JADE1: variants seen among roughly 807,000 people sequenced by gnomAD.
JADE1 encodes the protein jade family PHD finger 1, also known as protein Jade-1.
A neutral mutation model predicts 81.8 loss-of-function variants in JADE1; 14 were observed. The observed-to-expected ratio is 0.17, with a 90% CI of 0.11 to 0.27. JADE1 has a LOEUF of 0.27. Among genes scored for constraint, JADE1 ranks in the 10% least tolerant of loss-of-function variants. The pLI is 1.00. For synonymous variants in JADE1, 353 were observed against 391.9 expected, an observed-to-expected ratio of 0.90 and a Z score of 1.17; for missense variants, 690 against 1,047.9, an observed-to-expected ratio of 0.66 and a Z score of 4.71.
intron 6 of JADE1, among the ~76,000 whole-genome samples, chr4:128,852,685 A>G (rs1281252075): frequency 6.6e-6 from 1 of 152,222 alleles, no homozygotes; most frequent in Non-Finnish European, 1.5e-5. Flanking sequence ...ACAAATTACT[A>G]CAGACTGTGT....
At chr4:128,837,101 T>C (rs979174851) in intron 2 of JADE1, among the ~76,000 whole-genome samples, 1 of 152,168 alleles carries the variant, frequency 6.6e-6, no homozygotes. Context: ...TTTCAGAGAT[T>C]TGTTGACTTT....
Position 128,872,876 on chromosome 4 carries a change from G to A in JADE1, c.*614G>A. 2.2e-6 allele frequency: 1 copy of A among 456,126 alleles called. No homozygotes were observed. The highest frequency in any genetic ancestry group is 4.4e-6 in the Non-Finnish European group (1 of 226,510). 28.3% of individuals were successfully genotyped at this position (456,126 alleles called of 1,614,324 possible). A position where few individuals can be genotyped will look rare whatever the true frequency, so the allele number is the denominator to read the frequency against. On this transcript the variant is annotated 3_prime_UTR_variant, in exon 11 of 11. Transcript: ENST00000226319. ...CATTATTGAAGAAGCTGAGGGGACA[G>A]GGTAGAGCTGCTGCAATATGGAGAT... is the stretch of plus-strand genomic sequence containing the variant.
Position 128,873,745 on chromosome 4 carries a change from A to AGATT in JADE1, c.*1484_*1487dup, listed in dbSNP as rs1203692584. The AGATT allele has an allele frequency of 2.0e-5, 3 of 152,436 alleles. No individual in the cohort carries two copies. The highest frequency in any genetic ancestry group is 4.4e-5 in the Non-Finnish European group (3 of 68,038). 9.4% of individuals were successfully genotyped at this position (152,436 alleles called of 1,614,324 possible). On this transcript the variant is annotated 3_prime_UTR_variant, in exon 11 of 11. Transcript: ENST00000226319. ...CCTTAGTTTGTTAATACCAGTATTC[A>AGATT]GATTCCTGATTCATTTATACATCTG...
At position 128,831,829 on chromosome 4, in the gene JADE1, T is replaced by C. The variant is rs757618077; in HGVS notation, c.52+19T>C. 6.8e-6 allele frequency: 11 copies of C among 1,609,248 alleles called. No homozygotes were observed. The highest frequency in any genetic ancestry group is 1.7e-4 in the Middle Eastern group (1 of 6,052). The stretch of plus-strand genomic sequence containing the variant: ...AATGGCAGTAAGTCCTGCTTTGTTG[T>C]TCTTGGAGCCTACCAGGGTTTGGGT... On this transcript the variant is annotated intron_variant, in intron 2 of 10. Coordinates refer to ENST00000226319, the MANE Select transcript of JADE1 (RefSeq NM_199320.4).
Position 128,871,856 on chromosome 4 carries a change from A to G in JADE1, c.2123A>G (p.Gln708Arg), listed in dbSNP as rs771229279. 1 of 1,614,080 alleles carries G rather than the reference A, an allele frequency of 6.2e-7. No homozygotes were observed. Among genetic ancestry groups the G allele is most frequent in the South Asian group, 1.1e-5 (1 of 91,082 alleles). The change falls in exon 11 of 11, where the codon CAG (glutamine) becomes CGG (arginine). Residue 708 changes from glutamine (Q) to arginine (R), a missense_variant. Around this residue, in one of 8 missense-constraint regions of JADE1, gnomAD observed 218 missense variants for 274.3 expected, o/e 0.79. Coordinates refer to ENST00000226319, the MANE Select transcript of JADE1 (RefSeq NM_199320.4). The surrounding 1 kb of genome is among the most constrained non-coding windows in gnomAD (Gnocchi z 4.1). ...GCTGCCACCTCCCCTGGAGTGGGGC[A>G]GTCAGCACCTGGCACAAGGAAGGAG... ...TRAATSPGVGQSAPGTRKEIV... is the reference protein window; with the variant it reads ...TRAATSPGVGRSAPGTRKEIV...
At chr4:128,829,465 A>G (rs1487017171) in intron 1 of JADE1, among the ~76,000 whole-genome samples, 1 of 152,248 alleles carries the variant, frequency 6.6e-6, no homozygotes, top group Non-Finnish European at 1.5e-5. Context: ...GGAAGAAAAT[A>G]TAAAATATTG....
At chr4:128,841,351 A>G (rs886845981) in intron 2 of JADE1, among the ~76,000 whole-genome samples, 4 of 152,196 alleles carry the variant, frequency 2.6e-5, no homozygotes, top group Admixed American at 2.0e-4. Flanking sequence ...GCACCCACAA[A>G]TGGAAGGTTT....
At chr4:128,868,009 C>A in intron 10 of JADE1, 36 bp downstream of exon 10, 1 of 1,154,154 alleles carries the variant, frequency 8.7e-7, no homozygotes, top group Non-Finnish European at 1.3e-6. Flanking sequence ...AAGTATAGGG[C>A]AGGGGTTTGT....
chr4:128,852,396 T>C, intron 6 of JADE1, 128 bp downstream of exon 6: 1 of 706,320 alleles, frequency 1.4e-6, no homozygotes, highest in Non-Finnish European at 2.4e-6. Context: ...TAAAGAAATG[T>C]GCCCTATAGA....
intron 2 of JADE1, among the ~76,000 whole-genome samples, chr4:128,838,156 ACT>A (rs1377891564): frequency 7.9e-5 from 12 of 152,054 alleles, no homozygotes; most frequent in South Asian, 2.1e-4. Flanking sequence ...GGTGCTACAA[ACT>A]CTGTGCCTTT....
chr4:128,831,421 T>A, intron 1 of JADE1: 2 of 325,986 alleles, frequency 6.1e-6, no homozygotes, highest in Non-Finnish European at 1.2e-5. Flanking sequence ...CTGCAGTGCT[T>A]GCTGCCAGTC....
intron 2 of JADE1, among the ~76,000 whole-genome samples, chr4:128,836,461 C>T (rs1429756945): frequency 1.3e-5 from 2 of 152,054 alleles, no homozygotes; most frequent in Admixed American, 6.6e-5. Context: ...TCTTCAACTT[C>T]GTCTTCATGT....
intron 8 of JADE1, among the ~76,000 whole-genome samples, chr4:128,858,536 T>C (rs1730990909): frequency 6.6e-6 from 1 of 152,072 alleles, no homozygotes; most frequent in South Asian, 2.1e-4. Flanking sequence ...TTTAAAGAAA[T>C]GACCTCATTT....
chr4:128,823,443 T>C (rs1480254950), intron 1 of JADE1, among the ~76,000 whole-genome samples: 1 of 152,226 alleles, frequency 6.6e-6, no homozygotes, highest in African/African-American at 2.4e-5. Flanking sequence ...GCTTTATGAG[T>C]AATGCTCCTA....
chr4:128,838,405 T>C (rs1729152421), intron 2 of JADE1, among the ~76,000 whole-genome samples: 1 of 152,244 alleles, frequency 6.6e-6, no homozygotes, highest in Admixed American at 6.5e-5. Flanking sequence ...TTTTAGACAT[T>C]ATTAGCAGAT....
At chr4:128,813,988 G>A (rs1374178363) in intron 1 of JADE1, among the ~76,000 whole-genome samples, 1 of 151,730 alleles carries the variant, frequency 6.6e-6, no homozygotes, top group East Asian at 1.9e-4. Flanking sequence ...GTAAAAGTTG[G>A]GTTGGCTGCA....
At chr4:128,823,661 A>T (rs1228127426) in intron 1 of JADE1, among the ~76,000 whole-genome samples, 3 of 152,180 alleles carry the variant, frequency 2.0e-5, no homozygotes, top group Non-Finnish European at 4.4e-5. Context: ...TTTGCTTGAG[A>T]TATTTAGACA....
intron 1 of JADE1, 166 bp from the exon 2 acceptor site, chr4:128,831,567 T>G (rs925512224): frequency 1.8e-5 from 11 of 595,972 alleles, no homozygotes; most frequent in South Asian, 1.7e-4. Context: ...TGTTAATGAT[T>G]GCACCTAATT....
chr4:128,811,728 C>A (rs1222004365), intron 1 of JADE1: 1 of 148,368 alleles, frequency 6.7e-6, no homozygotes, highest in Non-Finnish European at 1.5e-5. Context: ...GCCCCCGCCC[C>A]GGGAACGGCC....
Sources: allele counts gnomAD v4.1 joint callset (sites outside exome capture counted in the v4.1 genomes callset), GRCh38; gene constraint gnomAD v4.1.1; regional missense constraint gnomAD v4.1.1; non-coding constraint Gnocchi (gnomAD v3.1); transcripts MANE v1.5; gene names NCBI Gene and HGNC (gene_info 2026-07-23, HGNC 2026-07-21).